Variants in CNTN4 observed in about 807,000 individuals in gnomAD.
CNTN4 encodes the protein contactin 4.
Under a neutral mutation model 122.5 loss-of-function variants are expected in CNTN4, and 77 were observed. That is an observed-to-expected ratio of 0.63 (90% CI 0.52 to 0.76). The LOEUF is 0.76. CNTN4 is among the 30% of genes least tolerant of loss of function. CNTN4 has a pLI of 0.00. For missense variants in CNTN4, 1,256 were observed against 1,259.1 expected (o/e 1.00, Z 0.04); for synonymous variants, 512 against 447.0 (o/e 1.15, Z -1.83).
At chr3:2,424,636 G>T (rs992904264) in intron 3 of CNTN4, among the ~76,000 whole-genome samples, 2 of 152,286 alleles carry the variant, frequency 1.3e-5, no homozygotes, top group East Asian at 3.9e-4. Flanking sequence ...TTGAGGAATG[G>T]CCACACTGTC....
intron 2 of CNTN4, among the ~76,000 whole-genome samples, chr3:2,125,836 G>A (rs950186162): frequency 8.6e-5 from 13 of 152,016 alleles, no homozygotes; most frequent in African/African-American, 2.9e-4. Flanking sequence ...GATTACAGGC[G>A]TGAGCCACAG....
At chr3:2,322,051 G>C (rs1374801170) in intron 2 of CNTN4, among the ~76,000 whole-genome samples, 1 of 152,142 alleles carries the variant, frequency 6.6e-6, no homozygotes, top group Admixed American at 6.5e-5. Flanking sequence ...CTCAGGAGCA[G>C]TGTTCATACA....
intron 4 of CNTN4, among the ~76,000 whole-genome samples, chr3:2,584,918 T>C (rs957276277): frequency 2.1e-5 from 3 of 144,592 alleles, no homozygotes; most frequent in Non-Finnish European, 4.5e-5. Context: ...GGTAGGTAGG[T>C]AGATAGATAG....
chr3:2,603,714 C>A (rs937748856), intron 4 of CNTN4, among the ~76,000 whole-genome samples: 1 of 152,158 alleles, frequency 6.6e-6, no homozygotes, highest in African/African-American at 2.4e-5. Flanking sequence ...ATGGGCTGGT[C>A]TATTACTTCT....
At chr3:2,712,485 C>A (rs58577234) in intron 4 of CNTN4, among the ~76,000 whole-genome samples, 1,667 of 152,180 alleles carry the variant, frequency 0.011, 31 homozygotes, top group African/African-American at 0.037. Flanking sequence ...ACCAGATTAA[C>A]AACAGAAAAG....
intron 4 of CNTN4, among the ~76,000 whole-genome samples, chr3:2,630,033 G>A (rs1446287252): frequency 6.6e-6 from 1 of 152,140 alleles, no homozygotes; most frequent in Non-Finnish European, 1.5e-5. Context: ...TGTAAATGAA[G>A]TTTCATTGGA....
intron 7 of CNTN4, among the ~76,000 whole-genome samples, chr3:2,823,444 A>G (rs560558423): frequency 7.9e-5 from 12 of 152,324 alleles, no homozygotes; most frequent in Non-Finnish European, 1.5e-4. Context: ...CACTCTACCA[A>G]TCACTATGTG....
At chr3:2,929,978 A>T (rs1185808610) in intron 13 of CNTN4, among the ~76,000 whole-genome samples, 1 of 152,196 alleles carries the variant, frequency 6.6e-6, no homozygotes, top group Non-Finnish European at 1.5e-5. Context: ...GGCTGGGCCC[A>T]CATCCTTCCC....
At chr3:2,389,747 G>A (rs2046378162) in intron 3 of CNTN4, among the ~76,000 whole-genome samples, 2 of 152,154 alleles carry the variant, frequency 1.3e-5, no homozygotes, top group South Asian at 4.1e-4. Context: ...GATACCAACT[G>A]AATCAAGTGA....
intron 4 of CNTN4, among the ~76,000 whole-genome samples, chr3:2,647,982 G>T (rs1404950443): frequency 6.6e-6 from 1 of 152,150 alleles, no homozygotes; most frequent in Non-Finnish European, 1.5e-5. Context: ...ATTTGCAGTT[G>T]ACGCTTATGC....
At chr3:2,435,355 T>C (rs985134548) in intron 3 of CNTN4, among the ~76,000 whole-genome samples, 1 of 152,152 alleles carries the variant, frequency 6.6e-6, no homozygotes, top group Non-Finnish European at 1.5e-5. Context: ...AAATCACCTC[T>C]GGATTACTTA....
chr3:2,112,382 G>A (rs1433325367), intron 2 of CNTN4, among the ~76,000 whole-genome samples: 1 of 152,132 alleles, frequency 6.6e-6, no homozygotes, highest in Non-Finnish European at 1.5e-5. Context: ...TTACTCCAGA[G>A]AATAGCAGTC....
At chr3:2,774,501 C>T (rs1202440565) in intron 6 of CNTN4, among the ~76,000 whole-genome samples, 1 of 152,118 alleles carries the variant, frequency 6.6e-6, no homozygotes, top group African/African-American at 2.4e-5. Context: ...GACCCATTTC[C>T]TCTACAAATA....
intron 6 of CNTN4, among the ~76,000 whole-genome samples, chr3:2,807,787 GC>G (rs1231385373): frequency 6.6e-6 from 1 of 152,114 alleles, no homozygotes; most frequent in East Asian, 1.9e-4. Flanking sequence ...TCTTCTATTA[GC>G]TTTGAAAGCA....
intron 6 of CNTN4, among the ~76,000 whole-genome samples, chr3:2,797,052 G>A (rs1314375528): frequency 6.6e-6 from 1 of 152,148 alleles, no homozygotes; most frequent in East Asian, 1.9e-4. Context: ...CCAGGCTAGA[G>A]GGCAGGGGCA....
chr3:2,628,283 A>T (rs751029006), intron 4 of CNTN4, among the ~76,000 whole-genome samples: 8 of 152,160 alleles, frequency 5.3e-5, no homozygotes, highest in African/African-American at 1.9e-4. Flanking sequence ...TGTGAAAGCA[A>T]TTGTGAGGCA....
chr3:2,588,047 A>T (rs890062886), intron 4 of CNTN4, among the ~76,000 whole-genome samples: 2 of 151,962 alleles, frequency 1.3e-5, no homozygotes, highest in Admixed American at 6.6e-5. Context: ...CTGTATTATT[A>T]TTCTCTTTAA....
At chr3:2,920,748 A>G (rs2094420698) in intron 12 of CNTN4, among the ~76,000 whole-genome samples, 1 of 152,130 alleles carries the variant, frequency 6.6e-6, no homozygotes. Flanking sequence ...TTTATGTTCA[A>G]TACATGTATT....
chr3:2,359,578 C>T (rs888995897), intron 3 of CNTN4, among the ~76,000 whole-genome samples: 5 of 152,088 alleles, frequency 3.3e-5, no homozygotes, highest in African/African-American at 7.2e-5. Flanking sequence ...CTCGCTCTGT[C>T]GCCCAGGCTG....
Sources: allele counts gnomAD v4.1 joint callset (sites outside exome capture counted in the v4.1 genomes callset), GRCh38; gene constraint gnomAD v4.1.1; transcripts MANE v1.5; gene names NCBI Gene and HGNC (gene_info 2026-07-23, HGNC 2026-07-21).